Variants in HSPA12A observed in about 807,000 individuals in gnomAD.
The protein encoded by HSPA12A is heat shock protein family A (Hsp70) member 12A.
A neutral mutation model predicts 69.2 loss-of-function variants in HSPA12A; 28 were observed. The ratio of observed to expected loss-of-function variants is 0.40; its 90% CI spans 0.30 to 0.55. The LOEUF is 0.55. Among genes scored for constraint, HSPA12A ranks in the 20% least tolerant of loss-of-function variants. HSPA12A has a pLI of 0.38. For synonymous variants in HSPA12A, 345 were observed against 370.5 expected (o/e 0.93, Z 0.79); for missense variants, 686 against 900.7 (o/e 0.76, Z 3.05).
At chr10:116,752,299 C>T (rs1851793148) in intron 2 of HSPA12A, among the ~76,000 whole-genome samples, 1 of 152,208 alleles carries the variant, frequency 6.6e-6, no homozygotes, top group Non-Finnish European at 1.5e-5. Context: ...GGGGCTATGC[C>T]CTCTTTCTTT....
At chr10:116,759,501 G>A (rs933386904) in intron 2 of HSPA12A, among the ~76,000 whole-genome samples, 1 of 152,220 alleles carries the variant, frequency 6.6e-6, no homozygotes, top group Admixed American at 6.5e-5. Context: ...GGACAATGGA[G>A]TTACCTTAAT....
At position 116,692,450 on chromosome 10, in the gene HSPA12A, C is replaced by T. The variant is rs994002961; in HGVS notation, c.564G>A (p.Ala188=). The T allele has an allele frequency of 9.3e-6, 15 of 1,613,964 alleles. No homozygotes were observed. The highest frequency in any genetic ancestry group is 1.2e-5 in the Non-Finnish European group (14 of 1,179,898). Residue 188 remains alanine (A), a synonymous_variant, in exon 6 of 12, where the codon GCG becomes GCA. Transcript: ENST00000369209. ...CATCAGAGTTCTCGAACTCCGAACC[C>T]GCCTGGTCACTCAGCTCCTGAAGCC... The part of the protein sequence containing the change: ...EQALKELSDQ[A]GSEFENSDVR...
At chr10:116,727,617 C>A (rs187508552) in intron 1 of HSPA12A, among the ~76,000 whole-genome samples, 1 of 152,272 alleles carries the variant, frequency 6.6e-6, no homozygotes, top group East Asian at 1.9e-4. Flanking sequence ...TTAGTAGAAA[C>A]CATACTTTGA....
At chr10:116,811,745 A>G (rs1350688482) in intron 2 of HSPA12A, among the ~76,000 whole-genome samples, 1 of 152,210 alleles carries the variant, frequency 6.6e-6, no homozygotes, top group African/African-American at 2.4e-5. Context: ...GGCTCTGCCC[A>G]TGACCTCTGC....
rs1554882971 is a variant in HSPA12A at position 116,710,746 on chromosome 10, C to A, written c.41-3461G>T. ...CAGAGATACCTGCACATGGTGCACA[C>A]CCACATCTATATATCTGTATATTCC... On this transcript the variant is annotated intron_variant, in intron 1 of 11. Coordinates refer to ENST00000369209, the MANE Select transcript of HSPA12A (RefSeq NM_025015.3). This position sits in a 1 kb window ranked among gnomAD's most constrained non-coding sequence, Gnocchi z 4.1. Among the ~76,000 whole-genome samples, 2 of 152,208 alleles carry A rather than the reference C, an allele frequency of 1.3e-5. No homozygotes were observed. Among genetic ancestry groups the A allele is most frequent in the African/African-American group, 4.8e-5 (2 of 41,454 alleles).
At chr10:116,798,308 G>A (rs182301995) in intron 2 of HSPA12A, among the ~76,000 whole-genome samples, 5 of 152,262 alleles carry the variant, frequency 3.3e-5, no homozygotes, top group Admixed American at 2.6e-4. Flanking sequence ...TGCCCAGGGT[G>A]GAGGGAGCTC....
intron 6 of HSPA12A, among the ~76,000 whole-genome samples, chr10:116,687,350 G>A (rs1226222724): frequency 1.3e-5 from 2 of 152,184 alleles, no homozygotes; most frequent in African/African-American, 2.4e-5. Context: ...ATGGGCCCAG[G>A]CAGTGTCTGG....
chr10:116,719,829 C>A (rs1165285086), intron 1 of HSPA12A, among the ~76,000 whole-genome samples: 2 of 152,164 alleles, frequency 1.3e-5, no homozygotes, highest in Non-Finnish European at 2.9e-5. Context: ...CAAAACCACA[C>A]AGCCAGCAAG....
chr10:116,735,513 G>A (rs933177642), intron 1 of HSPA12A, among the ~76,000 whole-genome samples: 1 of 152,102 alleles, frequency 6.6e-6, no homozygotes, highest in Non-Finnish European at 1.5e-5. Context: ...CCTCTTAGAG[G>A]ATAAAAGACC....
chr10:116,787,555 G>A (rs555974772), intron 2 of HSPA12A, among the ~76,000 whole-genome samples: 3 of 151,506 alleles, frequency 2.0e-5, no homozygotes, highest in Admixed American at 1.3e-4. Context: ...GGTTTTGAAC[G>A]TACAGGCGTC....
intron 2 of HSPA12A, 56 bp downstream of exon 2, chr10:116,707,144 C>T (rs1850276153): frequency 1.5e-6 from 2 of 1,330,900 alleles, no homozygotes; most frequent in African/African-American, 1.7e-5. Flanking sequence ...CTCATGCGCA[C>T]CCATGCGCGC....
intron 9 of HSPA12A, 89 bp from the exon 10 acceptor site, chr10:116,679,850 T>C: frequency 7.2e-7 from 1 of 1,387,406 alleles, no homozygotes; most frequent in Non-Finnish European, 1.0e-6. Context: ...CCTGTTCATC[T>C]CTGAGCCACT....
At chr10:116,713,450 T>C (rs1476983157) in intron 1 of HSPA12A, among the ~76,000 whole-genome samples, 1 of 152,172 alleles carries the variant, frequency 6.6e-6, no homozygotes, top group Non-Finnish European at 1.5e-5. Context: ...GCATTTACCA[T>C]GGCAGAGACA....
chr10:116,745,804 AC>A (rs1564806542), upstream of HSPA12A, among the ~76,000 whole-genome samples: 1 of 151,594 alleles, frequency 6.6e-6, no homozygotes, highest in Non-Finnish European at 1.5e-5. Context: ...TCTGTGCCCA[AC>A]CCCCCATCAC....
chr10:116,806,607 C>T (rs1050135949), intron 2 of HSPA12A, among the ~76,000 whole-genome samples: 3 of 152,086 alleles, frequency 2.0e-5, no homozygotes, highest in African/African-American at 7.2e-5. Flanking sequence ...TTTTTTGACA[C>T]AAGGTAAAAT....
intron 1 of HSPA12A, among the ~76,000 whole-genome samples, chr10:116,848,607 G>A (rs1455031139): frequency 2.6e-5 from 4 of 152,272 alleles, no homozygotes; most frequent in Middle Eastern, 3.4e-3. Context: ...TGCAGCAGAG[G>A]AAGTATCTAG....
At chr10:116,743,081 C>CGCAGACCAAGGAT (rs1240812377), upstream of HSPA12A, among the ~76,000 whole-genome samples, 1 of 23,956 alleles carries the variant, frequency 4.2e-5, no homozygotes. Flanking sequence ...GGACCCAGGC[C>CGCAGACCAAGGAT]GCAGACCAAG....
In HSPA12A at chr10:116,846,669, T is replaced by C. The variant is rs983607023; in HGVS notation, c.3+2897A>G. Among the ~76,000 whole-genome samples, 8 of 152,282 alleles carry C rather than the reference T, an allele frequency of 5.3e-5. 1 individual carries two copies. Among genetic ancestry groups the C allele is most frequent in the Non-Finnish European group, 1.0e-4 (7 of 68,020 alleles). Reference sequence around the variant, plus strand: ...GGCCTTGTTAATGTAATTTTTCAAGTTTATGTAAGTAATTCATTCATTACA... The same window carrying C: ...GGCCTTGTTAATGTAATTTTTCAAGCTTATGTAAGTAATTCATTCATTACA... On this transcript the variant is annotated intron_variant, in intron 1 of 12. Transcript: ENST00000635765.
chr10:116,732,702 T>G (rs1851198149), intron 1 of HSPA12A, among the ~76,000 whole-genome samples: 1 of 152,242 alleles, frequency 6.6e-6, no homozygotes, highest in African/African-American at 2.4e-5. Flanking sequence ...TTAAGCATTC[T>G]TCAAATACTT....
Sources: gnomAD v4.1 joint callset for allele counts (sites outside exome capture counted in the v4.1 genomes callset) on GRCh38, gnomAD v4.1.1 for gene constraint, Gnocchi (gnomAD v3.1) non-coding constraint, MANE v1.5 for transcripts, NCBI Gene and HGNC (gene_info 2026-07-23, HGNC 2026-07-21) for gene names.